ITGA2B: variants seen among roughly 807,000 people sequenced by gnomAD.
The protein encoded by ITGA2B is integrin alpha-IIb.
In ITGA2B, 91 loss-of-function variants were observed where a neutral mutation model predicts 142.0. The ratio of observed to expected loss-of-function variants is 0.64; its 90% confidence interval spans 0.54 to 0.76. ITGA2B has a LOEUF of 0.76. ITGA2B is among the 30% of genes least tolerant of loss of function. The pLI is 0.00. For synonymous variants in ITGA2B, 536 were observed against 567.2 expected, an observed-to-expected ratio of 0.94 and a Z score of 0.78; for missense variants, 1,231 against 1,350.8, an observed-to-expected ratio of 0.91 and a Z score of 1.39.
intron 7 of ITGA2B, 133 bp from the exon 8 acceptor site, chr17:44,384,718 G>A: frequency 7.7e-7 from 1 of 1,292,160 alleles, no homozygotes; most frequent in Admixed American, 1.7e-5. Flanking sequence ...AGGCCTTCGA[G>A]GGGCCAAGCC....
intron 20 of ITGA2B, 133 bp downstream of exon 20, chr17:44,378,228 TA>T (rs562450711): frequency 5.2e-3 from 5,709 of 1,096,938 alleles, no homozygotes; most frequent in South Asian, 8.2e-3. Flanking sequence ...TCCTCCAAAT[TA>T]AAAAAAAAAT....
chr17:44,374,965 G>A, intron 27 of ITGA2B, 33 bp downstream of exon 27: 12 of 1,398,346 alleles, frequency 8.6e-6, no homozygotes, highest in South Asian at 1.2e-5. Flanking sequence ...CCGCCCAGAA[G>A]GCCCGGCCCC....
intron 20 of ITGA2B, 115 bp from the exon 21 acceptor site, chr17:44,377,905 G>A: frequency 2.9e-6 from 2 of 682,322 alleles, no homozygotes; most frequent in South Asian, 3.0e-5. Context: ...GGGGTTTCTT[G>A]GGGTGGGGTC....
At chr17:44,375,460 T>C (rs762846425) in intron 26 of ITGA2B, 131 bp downstream of exon 26, 12 of 1,123,458 alleles carry the variant, frequency 1.1e-5, no homozygotes, top group South Asian at 1.6e-5. Flanking sequence ...CCATGTTCAC[T>C]TGAAGTGCTC....
In ITGA2B at chr17:44,385,394, G is replaced by A. The variant is rs548358802; in HGVS notation, c.575-59C>T. 5.7e-6 allele frequency: 9 copies of A among 1,573,960 alleles called. No homozygotes were observed. In the African/African-American group the frequency reaches 1.1e-4, roughly 19 times the overall value. Reference sequence around the variant, plus strand: ...GGTGAAGGGAGGCGCGCGCGAGCCCGGAGGAGGGCTGGGGGACAGGGGCGG... The same window carrying A: ...GGTGAAGGGAGGCGCGCGCGAGCCCAGAGGAGGGCTGGGGGACAGGGGCGG... On this transcript the variant is annotated intron_variant, in intron 4 of 29. Transcript: ENST00000262407.
chr17:44,379,252 C>CTT lies in ITGA2B; in HGVS notation c.1878+435_1878+436dup, dbSNP rs376241329. Among the ~76,000 whole-genome samples the CTT allele has an allele frequency of 6.6e-4, 76 of 114,644 alleles. 1 individual carries two copies. The highest frequency in any genetic ancestry group is 2.1e-3 in the African/African-American group (63 of 30,464). 75.2% of individuals were successfully genotyped at this position (114,644 alleles called of 152,430 possible). A position where few individuals can be genotyped will look rare whatever the true frequency, so the allele number is the denominator to read the frequency against. ...TACAGGCGTGAGCCACTGCGCCTGG[C>CTT]TTTTTTTTTTTTTTTTGAGACAGAG... On this transcript the variant is annotated intron_variant, in intron 18 of 29. Transcript: ENST00000262407.
chr17:44,374,509 A>G, intron 28 of ITGA2B, 39 bp from the exon 29 acceptor site: 5 of 1,589,202 alleles, frequency 3.1e-6, no homozygotes, highest in Non-Finnish European at 4.3e-6. Context: ...TCACCTTGAC[A>G]CCTGCCTTTC....
At chr17:44,375,799 G>GC in intron 25 of ITGA2B, 34 bp downstream of exon 25, 3 of 1,559,432 alleles carry the variant, frequency 1.9e-6, no homozygotes, top group Non-Finnish European at 2.6e-6. Flanking sequence ...GTCTGGGGCC[G>GC]CCTTCCCAGG....
rs377151294 is a variant in ITGA2B at position 44,384,311 on chromosome 17, C to T, written c.891G>A (p.Ala297=). ...GAPTWSWTLG[A]VEILDSYYQR... ...GAGGCCCAGTGGTGGGGGCACTTACCGCTCCCAGGGTCCAGCTCCAAGTGG... is the reference window on the plus strand; with the variant it reads ...GAGGCCCAGTGGTGGGGGCACTTACTGCTCCCAGGGTCCAGCTCCAAGTGG... Residue 297 remains alanine (A), a splice_region_variant and synonymous_variant, in exon 9 of 30, where the codon GCG becomes GCA. Coordinates refer to ENST00000262407, the MANE Select transcript of ITGA2B (RefSeq NM_000419.5). The T allele has an allele frequency of 8.1e-6, 13 of 1,613,098 alleles. No individual in the cohort carries two copies. Among genetic ancestry groups the T allele is most frequent in the African/African-American group, 1.3e-5 (1 of 74,844 alleles).
rs763194651 is a variant in ITGA2B, at chr17:44,383,519, C to T, written c.1184G>A (p.Gly395Asp). 1.2e-6 allele frequency: 2 copies of T among 1,610,570 alleles called. No individual in the cohort carries two copies. The highest frequency in any genetic ancestry group is 1.7e-6 in the Non-Finnish European group (2 of 1,179,882). The change falls in exon 12 of 30, where the codon GGC (glycine) becomes GAC (aspartate). Residue 395 changes from glycine to aspartate, a missense_variant. Gly to Asp is a moderately conservative substitution (Grantham distance 94). Around this residue, in one of 3 missense-constraint regions of ITGA2B, gnomAD observed 908 missense variants for 1,021.1 expected, o/e 0.89. Coordinates refer to ENST00000262407, the MANE Select transcript of ITGA2B (RefSeq NM_000419.5). Reference protein sequence around the residue: ...GRFGSAIAPLGDLDRDGYNDI... With the variant: ...GRFGSAIAPLDDLDRDGYNDI... ...ATTGTAGCCATCCCGGTCGAGGTCG[C>T]CCAGGGGTGCGATGGCAGAGCCGAA...
At chr17:44,376,211 G>A (rs757804234) in intron 23 of ITGA2B, 27 bp from the exon 24 acceptor site, 2 of 1,613,974 alleles carry the variant, frequency 1.2e-6, no homozygotes, top group East Asian at 2.2e-5. Context: ...CCCCCAGAGA[G>A]AGTGTGATGC....
intron 12 of ITGA2B, among the ~76,000 whole-genome samples, chr17:44,382,508 AT>A (rs58767264): frequency 5.6e-4 from 79 of 140,606 alleles, no homozygotes; most frequent in Admixed American, 7.8e-4. Context: ...TTCTTTCTCT[AT>A]TTTTTTTTTT....
rs1567902629 is a variant in ITGA2B at position 44,380,900 on chromosome 17, T to A, written c.1372A>T (p.Ile458Phe). The stretch of plus-strand genomic sequence containing the variant: ...GCACCTGGGTATCCGTTGTCATCGA[T>A]GTCTACGGCACCTCGAAGGGAGAAG... ...FGFSLRGAVD[I>F]DDNGYPDLIV... Residue 458 changes from isoleucine (I) to phenylalanine (F), a missense_variant, in exon 13 of 30, where the codon ATC becomes TTC. By Grantham distance (21) the Ile-to-Phe change is conservative. This residue lies in a region of ITGA2B where 908 missense variants were observed against 1,021.1 expected (regional missense o/e 0.89). Transcript: ENST00000262407. The A allele has an allele frequency of 6.2e-7, 1 of 1,614,228 alleles. No individual in the cohort carries two copies. Among genetic ancestry groups the A allele is most frequent in the Non-Finnish European group, 8.5e-7 (1 of 1,180,034 alleles).
In ITGA2B at chr17:44,389,369, G is replaced by T; in HGVS notation, c.105C>A (p.Asp35Glu). The T allele has an allele frequency of 6.2e-7, 1 of 1,614,188 alleles. No individual in the cohort carries two copies. Among genetic ancestry groups the T allele is most frequent in the Non-Finnish European group, 8.5e-7 (1 of 1,180,040 alleles). The change falls in exon 1 of 30, where the codon GAC becomes GAA. Residue 35 changes from aspartate to glutamate, a missense_variant. By Grantham distance (45) the Asp-to-Glu change is conservative. Around this residue, in one of 3 missense-constraint regions of ITGA2B, gnomAD observed 318 missense variants for 312.2 expected, o/e 1.02. Coordinates refer to ENST00000262407, the MANE Select transcript of ITGA2B (RefSeq NM_000419.5). ...CTGCATAGAAGGTGAGCTGCACTGG[G>T]TCCAGGTTCAAGGCCCAGGCTGGAG... ...AAPPAWALNLDPVQLTFYAGP... is the reference protein window; with the variant it reads ...AAPPAWALNLEPVQLTFYAGP...
chr17:44,378,466 G>A lies in ITGA2B; in HGVS notation c.1990C>T (p.Leu664=). The A allele has an allele frequency of 6.2e-7, 1 of 1,613,772 alleles. No homozygotes were observed. Among genetic ancestry groups the A allele is most frequent in the Non-Finnish European group, 8.5e-7 (1 of 1,179,940 alleles). The part of the protein sequence containing the change: ...LLVGADNVLE[L]QMDAANEGEG... ...CCCTCGTTGGCTGCGTCCATCTGCA[G>A]CTCCAGGACATTATCTGCCCCAACT... Residue 664 remains leucine, a synonymous_variant, in exon 20 of 30, where the codon CTG becomes TTG. Coordinates refer to ENST00000262407, the MANE Select transcript of ITGA2B (RefSeq NM_000419.5).
At chr17:44,377,885 T>A in intron 20 of ITGA2B, 95 bp from the exon 21 acceptor site, 1 of 504,270 alleles carries the variant, frequency 2.0e-6, no homozygotes. Context: ...TGTGCCAAGG[T>A]AGGGAGGGGG....
Position 44,380,987 on chromosome 17 carries a change from C to T in ITGA2B, c.1285G>A (p.Gly429Arg). 1 of 1,613,630 alleles carries T rather than the reference C, an allele frequency of 6.2e-7. No homozygotes were observed. The highest frequency in any genetic ancestry group is 8.5e-7 in the Non-Finnish European group (1 of 1,179,672). The change falls in exon 13 of 30, where the codon GGG becomes AGG. Residue 429 changes from glycine (G) to arginine (R), a missense_variant. Physicochemically the swap from Gly to Arg is moderately radical, Grantham distance 125 (BLOSUM62 -2). This residue lies in a region of ITGA2B where 908 missense variants were observed against 1,021.1 expected (regional missense o/e 0.89). Coordinates refer to ENST00000262407, the MANE Select transcript of ITGA2B (RefSeq NM_000419.5). ...QVLVFLGQSE[G>R]LRSRPSQVLD... ...ACCTGGGAGGGACGTGACCTCAGCC[C>T]CTCACTCTGACCCAGGAACACCAGC...
intron 1 of ITGA2B, among the ~76,000 whole-genome samples, chr17:44,388,912 G>C (rs1043773103): frequency 6.8e-6 from 1 of 147,426 alleles, no homozygotes; most frequent in Non-Finnish European, 1.5e-5. Flanking sequence ...TGATCTGCCC[G>C]CCTCGGCCTC....
At chr17:44,385,981 C>T (rs768146960) in intron 2 of ITGA2B, 29 bp downstream of exon 2, 4 of 1,614,126 alleles carry the variant, frequency 2.5e-6, no homozygotes, top group Non-Finnish European at 2.5e-6. Context: ...CCTCTGACCC[C>T]AACCTTGCTC....
Sources: gnomAD v4.1 joint callset for allele counts (sites outside exome capture counted in the v4.1 genomes callset) on GRCh38, gnomAD v4.1.1 for gene constraint, gnomAD v4.1.1 regional missense constraint, MANE v1.5 for transcripts, NCBI Gene and HGNC (gene_info 2026-07-23, HGNC 2026-07-21) for gene names.